PEAK1: variants seen among roughly 807,000 people sequenced by gnomAD.
The protein encoded by PEAK1 is inactive tyrosine-protein kinase PEAK1.
A neutral mutation model predicts 124.7 loss-of-function variants in PEAK1; 54 were observed. The ratio of observed to expected loss-of-function variants is 0.43; its 90% CI spans 0.35 to 0.54. The LOEUF is 0.54. Ranked by LOEUF, PEAK1 falls within the 20% of genes least tolerant of loss-of-function variation. The pLI, the probability that PEAK1 is intolerant of heterozygous loss-of-function variation, is 0.01. For synonymous variants in PEAK1, 719 were observed against 760.0 expected (o/e 0.95, Z 0.89); for missense variants, 2,046 against 2,134.5 (o/e 0.96, Z 0.82).
intron 2 of PEAK1, among the ~76,000 whole-genome samples, chr15:77,361,446 C>A (rs1264296667): frequency 1.3e-5 from 2 of 151,838 alleles, no homozygotes; most frequent in Non-Finnish European, 2.9e-5. Context: ...CTCAGAAAAA[C>A]CAAAAACAAT....
At chr15:77,282,100 A>C (rs1444715831) in intron 5 of PEAK1, among the ~76,000 whole-genome samples, 1 of 152,224 alleles carries the variant, frequency 6.6e-6, no homozygotes, top group African/African-American at 2.4e-5. Flanking sequence ...TTGGTCAAGA[A>C]GGAAGCTATA....
intron 6 of PEAK1, among the ~76,000 whole-genome samples, chr15:77,227,198 A>G (rs2059716452): frequency 6.6e-6 from 1 of 152,222 alleles, no homozygotes; most frequent in South Asian, 2.1e-4. Context: ...ATGGCAATCT[A>G]GAATAAGTTT....
chr15:77,313,648 A>G (rs556641318), intron 2 of PEAK1, among the ~76,000 whole-genome samples: 3,967 of 86,648 alleles, frequency 0.046, 78 homozygotes, highest in Non-Finnish European at 0.056. Flanking sequence ...GTATGTATGT[A>G]TGTATGTGTG....
intron 2 of PEAK1, chr15:77,348,704 G>A (rs1425641401): frequency 2.5e-5 from 25 of 984,962 alleles, no homozygotes; most frequent in Non-Finnish European, 2.9e-5. Flanking sequence ...CTGACTCACG[G>A]GAAAACCCAA....
At chr15:77,359,432 C>A (rs2067738719) in intron 2 of PEAK1, among the ~76,000 whole-genome samples, 3 of 148,694 alleles carry the variant, frequency 2.0e-5, no homozygotes, top group Non-Finnish European at 3.0e-5. Context: ...AGAGTAAGAC[C>A]TTGTCTCAAA....
intron 8 of PEAK1, among the ~76,000 whole-genome samples, chr15:77,138,115 T>TA (rs2053485409): frequency 6.6e-6 from 1 of 152,222 alleles, no homozygotes; most frequent in African/African-American, 2.4e-5. Flanking sequence ...TGTGGAACTG[T>TA]AAGTCCAATA....
At chr15:77,302,945 G>A (rs1597195597) in intron 2 of PEAK1, among the ~76,000 whole-genome samples, 1 of 152,070 alleles carries the variant, frequency 6.6e-6, no homozygotes, top group South Asian at 2.1e-4. Flanking sequence ...TTGCTCCCAA[G>A]TCCCTGGCAA....
chr15:77,263,281 T>C (rs1018568932), intron 5 of PEAK1, among the ~76,000 whole-genome samples: 1 of 151,636 alleles, frequency 6.6e-6, no homozygotes, highest in African/African-American at 2.4e-5. Flanking sequence ...AATAGACACA[T>C]AAAAAACACT....
At chr15:77,334,197 T>A (rs1312771840) in intron 2 of PEAK1, 1 of 981,912 alleles carries the variant, frequency 1.0e-6, no homozygotes, top group African/African-American at 1.7e-5. Flanking sequence ...AGTACTGACT[T>A]CAGTACATTT....
At chr15:77,294,867 C>T (rs2063404451) in intron 2 of PEAK1, among the ~76,000 whole-genome samples, 1 of 151,920 alleles carries the variant, frequency 6.6e-6, no homozygotes, top group African/African-American at 2.4e-5. Context: ...GGAAAAAATG[C>T]TTTATAACAT....
chr15:77,209,502 T>C (rs34562889), intron 6 of PEAK1, among the ~76,000 whole-genome samples: 15,161 of 152,218 alleles, frequency 0.1, 841 homozygotes, highest in African/African-American at 0.11. Context: ...GCATCAGATG[T>C]GTAATGCTGA....
At chr15:77,116,037 G>A (rs1270408929) in intron 9 of PEAK1, among the ~76,000 whole-genome samples, 5 of 152,128 alleles carry the variant, frequency 3.3e-5, no homozygotes, top group Non-Finnish European at 5.9e-5. Flanking sequence ...ACCCACTATT[G>A]AGGCAATAAA....
chr15:77,122,674 T>C (rs2052020692), intron 9 of PEAK1, among the ~76,000 whole-genome samples: 1 of 152,178 alleles, frequency 6.6e-6, no homozygotes, highest in Admixed American at 6.6e-5. Flanking sequence ...CTCAGGTGCT[T>C]CTGTATGCAC....
chr15:77,303,150 C>T (rs1364092698), intron 2 of PEAK1, among the ~76,000 whole-genome samples: 2 of 152,136 alleles, frequency 1.3e-5, no homozygotes, highest in African/African-American at 4.8e-5. Flanking sequence ...CACAGTTTAT[C>T]CATTTACCTA....
At chr15:77,376,638 ATTAT>A (rs1004155111) in intron 1 of PEAK1, among the ~76,000 whole-genome samples, 3 of 152,224 alleles carry the variant, frequency 2.0e-5, no homozygotes, top group Non-Finnish European at 4.4e-5. Flanking sequence ...TAAATTGAAT[ATTAT>A]TTATTATTTA....
At chr15:77,186,886 T>C (rs1331394390) in intron 6 of PEAK1, among the ~76,000 whole-genome samples, 1 of 152,232 alleles carries the variant, frequency 6.6e-6, no homozygotes, top group Non-Finnish European at 1.5e-5. Flanking sequence ...CTTTGTGAAA[T>C]GACTTCAGTG....
At chr15:77,141,034 A>C (rs1263082059) in intron 8 of PEAK1, among the ~76,000 whole-genome samples, 1 of 152,166 alleles carries the variant, frequency 6.6e-6, no homozygotes, top group Admixed American at 6.6e-5. Context: ...AGGAGGTTCT[A>C]GTCAGGGATA....
chr15:77,408,342 A>AG (rs1313622860), intron 1 of PEAK1, among the ~76,000 whole-genome samples: 1 of 140,970 alleles, frequency 7.1e-6, no homozygotes, highest in Non-Finnish European at 1.5e-5. Context: ...CTAAGCTATG[A>AG]GGATGCATAG....
intron 5 of PEAK1, among the ~76,000 whole-genome samples, chr15:77,282,457 A>C (rs1567208410): frequency 6.6e-6 from 1 of 152,210 alleles, no homozygotes; most frequent in South Asian, 2.1e-4. Flanking sequence ...AAAAGTTAAA[A>C]GGCTTTGTGT....
Sources: allele counts gnomAD v4.1 joint callset (sites outside exome capture counted in the v4.1 genomes callset), GRCh38; gene constraint gnomAD v4.1.1; transcripts MANE v1.5; gene names NCBI Gene and HGNC (gene_info 2026-07-23, HGNC 2026-07-21).